The following KCND3 variants were observed in gnomAD, a reference collection of about 807,000 sequenced individuals.
The protein encoded by KCND3 is A-type voltage-gated potassium channel KCND3.
Under a neutral mutation model 51.1 loss-of-function variants are expected in KCND3, and 9 were observed. That is an observed-to-expected ratio of 0.18 (90% confidence interval 0.11 to 0.31). The LOEUF (loss-of-function observed/expected upper bound fraction) is 0.31. Ranked by LOEUF, KCND3 falls within the 10% of genes least tolerant of loss-of-function variation. The pLI is 1.00. For synonymous variants in KCND3, 349 were observed against 368.0 expected (o/e 0.95, Z 0.59); for missense variants, 526 against 903.8 (o/e 0.58, Z 5.36).
chr1:111,950,344 A>G (rs1248951606), intron 2 of KCND3, among the ~76,000 whole-genome samples: 1 of 152,184 alleles, frequency 6.6e-6, no homozygotes, highest in Admixed American at 6.5e-5. Flanking sequence ...TGGGCTGGTA[A>G]CCCACTGTTT....
intron 2 of KCND3, among the ~76,000 whole-genome samples, chr1:111,938,880 C>G (rs4839188): frequency 0.8 from 121,761 of 152,144 alleles, 49,091 homozygotes; most frequent in Middle Eastern, 0.9. Flanking sequence ...GAGGAGGGAG[C>G]CAAGCTAAGA....
At chr1:111,861,961 T>C (rs1668356819) in intron 2 of KCND3, among the ~76,000 whole-genome samples, 1 of 152,138 alleles carries the variant, frequency 6.6e-6, no homozygotes, top group South Asian at 2.1e-4. Flanking sequence ...CCCCACATCA[T>C]CCACAGAGCT....
intron 2 of KCND3, among the ~76,000 whole-genome samples, chr1:111,903,720 G>A (rs1257169685): frequency 6.6e-6 from 1 of 152,210 alleles, no homozygotes; most frequent in Admixed American, 6.5e-5. Flanking sequence ...AGAGTCAGGT[G>A]GTCATCTGCC....
At chr1:111,838,301 T>C (rs978904377) in intron 2 of KCND3, among the ~76,000 whole-genome samples, 3 of 152,252 alleles carry the variant, frequency 2.0e-5, no homozygotes, top group Non-Finnish European at 4.4e-5. Flanking sequence ...TGCTGCTGTA[T>C]GCAACTGGTA....
intron 2 of KCND3, among the ~76,000 whole-genome samples, chr1:111,948,032 A>G (rs968225414): frequency 2.0e-5 from 3 of 152,150 alleles, no homozygotes; most frequent in Non-Finnish European, 4.4e-5. Flanking sequence ...CTGTTCAGCC[A>G]CCACTCATTC....
intron 2 of KCND3, among the ~76,000 whole-genome samples, chr1:111,806,136 G>C (rs1665559796): frequency 6.6e-6 from 1 of 152,224 alleles, no homozygotes; most frequent in African/African-American, 2.4e-5. Context: ...CCTGCCTCCT[G>C]TGTGCTGCAG....
intron 2 of KCND3, among the ~76,000 whole-genome samples, chr1:111,901,972 C>T (rs1347791615): frequency 6.6e-6 from 1 of 152,210 alleles, no homozygotes; most frequent in Non-Finnish European, 1.5e-5. Flanking sequence ...CCCCAAACTA[C>T]TCCATTAGGC....
At chr1:111,847,993 C>T (rs1206335014) in intron 2 of KCND3, among the ~76,000 whole-genome samples, 5 of 152,230 alleles carry the variant, frequency 3.3e-5, no homozygotes, top group Admixed American at 2.6e-4. Flanking sequence ...TCCCCTCAGG[C>T]CACTGTGCAG....
At chr1:111,930,974 GC>G (rs1486430284) in intron 2 of KCND3, among the ~76,000 whole-genome samples, 2 of 152,194 alleles carry the variant, frequency 1.3e-5, no homozygotes, top group African/African-American at 4.8e-5. Context: ...TCTTTATCCA[GC>G]CCCATCCCAC....
chr1:111,890,678 C>A (rs529940338), intron 2 of KCND3, among the ~76,000 whole-genome samples: 19 of 152,112 alleles, frequency 1.2e-4, no homozygotes, highest in African/African-American at 4.6e-4. Flanking sequence ...GAGAAAAGGA[C>A]CAAGAACCCA....
intron 2 of KCND3, chr1:111,853,781 T>C (rs1295581479): frequency 6.6e-6 from 1 of 152,220 alleles, no homozygotes; most frequent in Non-Finnish European, 1.5e-5. Flanking sequence ...AATAACGGTT[T>C]ATTGAATGAA....
intron 2 of KCND3, among the ~76,000 whole-genome samples, chr1:111,965,472 A>ACACACACACACACACACC: frequency 6.7e-6 from 1 of 149,894 alleles, no homozygotes; most frequent in Admixed American, 6.6e-5. Flanking sequence ...ACACACACAC[A>ACACACACACACACACACC]CACACACACA....
At chr1:111,795,409 T>C (rs557284731) in intron 2 of KCND3, among the ~76,000 whole-genome samples, 25 of 152,344 alleles carry the variant, frequency 1.6e-4, no homozygotes, top group Admixed American at 1.4e-3. Flanking sequence ...GGCAATTCAG[T>C]AATAATTTAT....
chr1:111,965,488 A>ACACACACACACACACG (rs1557752929), intron 2 of KCND3, among the ~76,000 whole-genome samples: 10 of 148,928 alleles, frequency 6.7e-5, no homozygotes, highest in Non-Finnish European at 1.3e-4. Flanking sequence ...ACACACACAC[A>ACACACACACACACACG]CGCCAGGAGC....
chr1:111,913,517 T>G (rs1184078851), intron 2 of KCND3, among the ~76,000 whole-genome samples: 1 of 152,218 alleles, frequency 6.6e-6, no homozygotes, highest in East Asian at 1.9e-4. Context: ...TGATTCCAAT[T>G]AACTTAACTC....
intron 3 of KCND3, among the ~76,000 whole-genome samples, chr1:111,782,745 G>T (rs1664439150): frequency 6.6e-6 from 1 of 152,132 alleles, no homozygotes; most frequent in Non-Finnish European, 1.5e-5. Flanking sequence ...AGATTCTCCT[G>T]TTCTTCTTTG....
intron 2 of KCND3, among the ~76,000 whole-genome samples, chr1:111,917,548 C>G (rs1671281396): frequency 6.6e-6 from 1 of 152,120 alleles, no homozygotes; most frequent in Admixed American, 6.5e-5. Context: ...GCCTACTTGC[C>G]TCCGAAGCAC....
intron 2 of KCND3, among the ~76,000 whole-genome samples, chr1:111,849,197 G>A (rs975533541): frequency 1.3e-5 from 2 of 152,194 alleles, no homozygotes. Context: ...TACCCAAAGT[G>A]GGTGCTGCTA....
intron 2 of KCND3, among the ~76,000 whole-genome samples, chr1:111,806,085 C>A (rs1381668172): frequency 6.6e-6 from 1 of 152,224 alleles, no homozygotes; most frequent in African/African-American, 2.4e-5. Context: ...CTCTGAGGAG[C>A]ACCCCTGCTA....
Sources: allele counts gnomAD v4.1 joint callset (sites outside exome capture counted in the v4.1 genomes callset), GRCh38; gene constraint gnomAD v4.1.1; transcripts MANE v1.5; gene names NCBI Gene and HGNC (gene_info 2026-07-23, HGNC 2026-07-21).